The following RCL1 variants were observed in gnomAD, a reference collection of about 807,000 sequenced individuals.
RCL1 encodes the protein RNA terminal phosphate cyclase like 1, also known as RNA 3'-terminal phosphate cyclase-like protein.
Under a neutral mutation model 42.4 loss-of-function variants are expected in RCL1, and 24 were observed. That is an observed-to-expected ratio of 0.57 (90% CI 0.41 to 0.80). RCL1 has a LOEUF of 0.80. RCL1 is among the 30% of genes least tolerant of loss of function. The probability of loss-of-function intolerance (pLI) is 0.00; values close to 1 mark genes in which losing one functional copy is unlikely to be tolerated. For synonymous variants in RCL1, 228 were observed against 177.3 expected (o/e 1.29, Z -2.27); for missense variants, 578 against 467.9 (o/e 1.24, Z -2.17).
At chr9:4,852,877 G>C (rs1817799082) in intron 8 of RCL1, among the ~76,000 whole-genome samples, 1 of 151,860 alleles carries the variant, frequency 6.6e-6, no homozygotes, top group Non-Finnish European at 1.5e-5. Flanking sequence ...TAGTAAACTT[G>C]CTTTGGGTGA....
chr9:4,819,248 G>A (rs1275883159), intron 1 of RCL1, among the ~76,000 whole-genome samples: 1 of 152,220 alleles, frequency 6.6e-6, no homozygotes, highest in Non-Finnish European at 1.5e-5. Context: ...GGAGCCAGCA[G>A]CCTCGATCCC....
chr9:4,829,829 T>C (rs1341460196), intron 3 of RCL1, among the ~76,000 whole-genome samples: 1 of 152,220 alleles, frequency 6.6e-6, no homozygotes. Flanking sequence ...GGTTCCTCCA[T>C]GACAGCCATC....
chr9:4,813,691 T>C (rs1816261186), intron 1 of RCL1, among the ~76,000 whole-genome samples: 1 of 152,222 alleles, frequency 6.6e-6, no homozygotes, highest in South Asian at 2.1e-4. Context: ...TTACTGGGTA[T>C]ATACCCAAAG....
chr9:4,803,860 C>T (rs188149700), intron 1 of RCL1: 3 of 158,128 alleles, frequency 1.9e-5, no homozygotes, highest in East Asian at 3.6e-4. Flanking sequence ...GGCATTGGAA[C>T]GGGCTGTTCC....
chr9:4,827,737 T>A (rs1051592652), intron 3 of RCL1, among the ~76,000 whole-genome samples: 1 of 114,724 alleles, frequency 8.7e-6, no homozygotes, highest in African/African-American at 3.1e-5. Flanking sequence ...ATGAAGTGTG[T>A]GTGTGTGTGT....
chr9:4,799,842 C>G lies in RCL1; in HGVS notation c.136+6615C>G, dbSNP rs893694978. Among the ~76,000 whole-genome samples, 3 of 152,174 alleles carry G rather than the reference C, an allele frequency of 2.0e-5. No homozygotes were observed. In the South Asian group the frequency reaches 6.2e-4, roughly 31 times the overall value. ...TTCCTTGGATGTGGTAGCCATTTCT[C>G]AGACTCTGACTCTGGAATCAAACCC... On this transcript the variant is annotated intron_variant, in intron 1 of 8. Coordinates refer to ENST00000381750, the MANE Select transcript of RCL1 (RefSeq NM_005772.5).
chr9:4,818,032 T>G (rs1035910113), intron 1 of RCL1, among the ~76,000 whole-genome samples: 4 of 149,586 alleles, frequency 2.7e-5, no homozygotes, highest in Non-Finnish European at 5.9e-5. Context: ...GCTATTCTCC[T>G]GACTCAGCCT....
chr9:4,824,337 A>G (rs1158690982), intron 2 of RCL1, among the ~76,000 whole-genome samples: 1 of 150,554 alleles, frequency 6.6e-6, no homozygotes, highest in Non-Finnish European at 1.5e-5. Context: ...TCAGACCATC[A>G]GCAACATCAT....
intron 6 of RCL1, 70 bp downstream of exon 6, chr9:4,841,427 C>A: frequency 7.9e-7 from 1 of 1,259,600 alleles, no homozygotes. Flanking sequence ...GAAGTTAAAA[C>A]TGCCAGCTCT....
In RCL1 at chr9:4,860,139, G is replaced by T. The variant is rs148364196; in HGVS notation, c.986G>T (p.Arg329Leu). ...PLSPYTIEFL[R>L]HLKSFFQIMF... ...TTCCTTTTTAGGATAGAATTTTTGCGGCATTTGAAGAGCTTTTTCCAGATT... is the reference window on the plus strand; with the variant it reads ...TTCCTTTTTAGGATAGAATTTTTGCTGCATTTGAAGAGCTTTTTCCAGATT... The change falls in exon 9 of 9, where the codon CGG becomes CTG. Residue 329 changes from arginine to leucine, a missense_variant. Transcript: ENST00000381750. 5.7e-6 allele frequency: 9 copies of T among 1,565,638 alleles called. No homozygotes were observed. The highest frequency in any genetic ancestry group is 1.3e-5 in the South Asian group (1 of 79,652).
chr9:4,810,740 A>G (rs1054920111), intron 1 of RCL1, among the ~76,000 whole-genome samples: 1 of 152,320 alleles, frequency 6.6e-6, no homozygotes, highest in South Asian at 2.1e-4. Flanking sequence ...GTGACTGTAA[A>G]TATATCTGAG....
chr9:4,799,000 C>T lies in RCL1; in HGVS notation c.136+5773C>T, dbSNP rs369716353. ...CTTTTCTTTTCTTTTCTTTTCCTCT[C>T]TCCCTCCCCTTCCCTCCCTCCCTGT... On this transcript the variant is annotated intron_variant, in intron 1 of 8. Transcript: ENST00000381750. Among the ~76,000 whole-genome samples the T allele has an allele frequency of 2.0e-4, 29 of 144,648 alleles. No homozygotes were observed. The East Asian group carries it at 3.3e-3, about 17-fold the overall frequency. 94.9% of individuals were successfully genotyped at this position (144,648 alleles called of 152,430 possible).
intron 8 of RCL1, chr9:4,850,478 G>A (rs1042028482): frequency 4.7e-4 from 98 of 210,628 alleles, no homozygotes; most frequent in African/African-American, 2.3e-3. Context: ...AATTCTTATG[G>A]AGGCTTTTTT....
chr9:4,850,672 A>G (rs1277319306), intron 8 of RCL1, among the ~76,000 whole-genome samples: 2 of 152,098 alleles, frequency 1.3e-5, no homozygotes, highest in African/African-American at 2.4e-5. Context: ...AAAATTGAGT[A>G]ATCCTAAATG....
At chr9:4,793,646 G>A (rs538724992) in intron 1 of RCL1, among the ~76,000 whole-genome samples, 156 of 152,318 alleles carry the variant, frequency 1.0e-3, no homozygotes, top group African/African-American at 3.7e-3. Flanking sequence ...AGTACCTTGG[G>A]TTGGTTCTCT....
Position 4,827,170 on chromosome 9 carries a change from G to A in RCL1, c.384+137G>A, listed in dbSNP as rs1486446148. On this transcript the variant is annotated intron_variant, in intron 3 of 8. Transcript: ENST00000381750. ...CTTTTGTTATTTACTTTGAGATTTA[G>A]AGGTTAATCACTCCAGGAGGCAGAT... 3.2e-6 allele frequency: 5 copies of A among 1,551,198 alleles called. No homozygotes were observed. In the African/African-American group the frequency reaches 6.9e-5, roughly 21 times the overall value.
chr9:4,826,874 T>C lies in RCL1; in HGVS notation c.225T>C (p.Tyr75=). The change falls in exon 3 of 9, where the codon TAT becomes TAC. Residue 75 remains tyrosine, a synonymous_variant. Coordinates refer to ENST00000381750, the MANE Select transcript of RCL1 (RefSeq NM_005772.5). ...EINQTGTTLY[Y]QPGLLYGGSV... is the part of the protein sequence containing the mutation. ...TGGTTTAAGGAACAACCTTATATTATCAGCCTGGCCTCCTGTATGGTGGAT... is the reference window on the plus strand; with the variant it reads ...TGGTTTAAGGAACAACCTTATATTACCAGCCTGGCCTCCTGTATGGTGGAT... 1 of 1,613,172 alleles carries C rather than the reference T, an allele frequency of 6.2e-7. No individual in the cohort carries two copies. Among genetic ancestry groups the C allele is most frequent in the Non-Finnish European group, 8.5e-7 (1 of 1,179,616 alleles).
chr9:4,838,657 A>G (rs1259266398), intron 5 of RCL1, among the ~76,000 whole-genome samples: 3 of 152,120 alleles, frequency 2.0e-5, no homozygotes, highest in Non-Finnish European at 2.9e-5. Flanking sequence ...GGAGTCCCAT[A>G]TGGACTGTAG....
Position 4,793,014 on chromosome 9 carries a change from A to G in RCL1, c.-78A>G. 6.7e-7 allele frequency: 1 copy of G among 1,496,212 alleles called. No homozygotes were observed. The highest frequency in any genetic ancestry group is 9.0e-7 in the Non-Finnish European group (1 of 1,113,064). The allele number at this position is 1,496,212 out of a possible 1,614,324, so 92.7% of individuals were successfully genotyped here. The stretch of plus-strand genomic sequence containing the variant: ...CGCCGTCGGTGTCGCCGCCACCACC[A>G]CCATCGGAGTCACGAGTCCCGCGTC... On this transcript the variant is annotated 5_prime_UTR_variant, in exon 1 of 9. Coordinates refer to ENST00000381750, the MANE Select transcript of RCL1 (RefSeq NM_005772.5).
Sources: allele counts gnomAD v4.1 joint callset (sites outside exome capture counted in the v4.1 genomes callset), GRCh38; gene constraint gnomAD v4.1.1; transcripts MANE v1.5; gene names NCBI Gene and HGNC (gene_info 2026-07-23, HGNC 2026-07-21).